The following PTPRD variants were observed in gnomAD, a reference collection of about 807,000 sequenced individuals.
PTPRD encodes receptor-type tyrosine-protein phosphatase delta.
In PTPRD, 34 loss-of-function variants were observed where a neutral mutation model predicts 214.5. The observed-to-expected ratio is 0.16, with a 90% CI of 0.12 to 0.21. PTPRD has a LOEUF of 0.21. Ranked by LOEUF, PTPRD falls within the 10% of genes least tolerant of loss-of-function variation. The pLI, the probability that PTPRD is intolerant of heterozygous loss-of-function variation, is 1.00. For synonymous variants in PTPRD, 1,128 were observed against 845.7 expected (o/e 1.33, Z -5.79); for missense variants, 2,545 against 2,398.7 (o/e 1.06, Z -1.27).
chr9:9,030,036 A>G (rs2099599564), intron 10 of PTPRD, among the ~76,000 whole-genome samples: 1 of 151,954 alleles, frequency 6.6e-6, no homozygotes, highest in Non-Finnish European at 1.5e-5. Flanking sequence ...ACAAAGATAA[A>G]TTGATCAGTC....
At chr9:9,369,304 A>G (rs952536270) in intron 9 of PTPRD, among the ~76,000 whole-genome samples, 1 of 152,018 alleles carries the variant, frequency 6.6e-6, no homozygotes, top group Admixed American at 6.6e-5. Context: ...CACCATTCTA[A>G]CTGGTGTGAG....
At chr9:8,775,804 T>C (rs1013100491) in intron 11 of PTPRD, among the ~76,000 whole-genome samples, 1 of 149,672 alleles carries the variant, frequency 6.7e-6, no homozygotes, top group African/African-American at 2.5e-5. Context: ...GACAACATAC[T>C]GAGGCCAAGT....
chr9:9,654,559 A>C (rs978866350), intron 7 of PTPRD, among the ~76,000 whole-genome samples: 5 of 152,106 alleles, frequency 3.3e-5, no homozygotes, highest in Non-Finnish European at 7.4e-5. Context: ...ACAAAACAGC[A>C]CCTGAACATT....
chr9:9,766,264 A>G (rs2098706197), intron 6 of PTPRD, among the ~76,000 whole-genome samples: 1 of 152,212 alleles, frequency 6.6e-6, no homozygotes, highest in African/African-American at 2.4e-5. Flanking sequence ...TTGAAATAAC[A>G]GGCATTGTGT....
intron 11 of PTPRD, among the ~76,000 whole-genome samples, chr9:8,879,418 T>C (rs1408572470): frequency 6.6e-6 from 1 of 152,166 alleles, no homozygotes; most frequent in Non-Finnish European, 1.5e-5. Flanking sequence ...TCCATGTATT[T>C]ACTCAAATGT....
chr9:8,767,118 T>C (rs374678089), intron 11 of PTPRD, among the ~76,000 whole-genome samples: 1 of 151,962 alleles, frequency 6.6e-6, no homozygotes, highest in Non-Finnish European at 1.5e-5. Flanking sequence ...ATTTCCCCAC[T>C]TTTTTTTCTT....
chr9:9,714,173 G>A (rs927569488), intron 7 of PTPRD, among the ~76,000 whole-genome samples: 3 of 151,168 alleles, frequency 2.0e-5, no homozygotes, highest in African/African-American at 7.3e-5. Context: ...CTGAAATGAA[G>A]TTGCACTTTT....
chr9:8,686,882 G>T (rs529569836), intron 12 of PTPRD, among the ~76,000 whole-genome samples: 9 of 152,280 alleles, frequency 5.9e-5, no homozygotes, highest in Admixed American at 5.9e-4. Context: ...ATTCTCTCAA[G>T]TAAGAGAACC....
intron 9 of PTPRD, among the ~76,000 whole-genome samples, chr9:9,275,128 T>A (rs10977632): frequency 5.6e-4 from 28 of 49,784 alleles, no homozygotes; most frequent in South Asian, 1.4e-3. Context: ...ATTATATATA[T>A]TATATATAAT....
At chr9:8,495,177 ACC>A (rs1210294363) in intron 26 of PTPRD, among the ~76,000 whole-genome samples, 1 of 152,156 alleles carries the variant, frequency 6.6e-6, no homozygotes, top group African/African-American at 2.4e-5. Context: ...TCCTGTGACT[ACC>A]CAGTGTTACT....
intron 11 of PTPRD, among the ~76,000 whole-genome samples, chr9:8,755,903 G>T (rs907996724): frequency 6.6e-6 from 1 of 152,144 alleles, no homozygotes; most frequent in African/African-American, 2.4e-5. Flanking sequence ...TAATAAATTT[G>T]CTTATCTGAA....
chr9:9,656,071 G>A (rs537853395), intron 7 of PTPRD, among the ~76,000 whole-genome samples: 148 of 152,236 alleles, frequency 9.7e-4, no homozygotes, highest in African/African-American at 3.2e-3. Context: ...AAACAATGCG[G>A]TACCACTACG....
intron 3 of PTPRD, among the ~76,000 whole-genome samples, chr9:10,329,099 T>G (rs2096702321): frequency 1.3e-5 from 2 of 151,804 alleles, no homozygotes; most frequent in African/African-American, 2.4e-5. Context: ...ATTATAGTTG[T>G]TTTTCTGTTG....
chr9:10,508,169 T>C (rs1213532270), intron 2 of PTPRD, among the ~76,000 whole-genome samples: 1 of 152,178 alleles, frequency 6.6e-6, no homozygotes, highest in Non-Finnish European at 1.5e-5. Context: ...AGAAGACGTT[T>C]ATGCAGCCAA....
At chr9:8,766,892 C>G (rs561441925) in intron 11 of PTPRD, among the ~76,000 whole-genome samples, 5 of 152,130 alleles carry the variant, frequency 3.3e-5, no homozygotes, top group Non-Finnish European at 7.4e-5. Context: ...TATCAATTAG[C>G]CGATGGTGAA....
intron 9 of PTPRD, among the ~76,000 whole-genome samples, chr9:9,291,532 C>T (rs1469953469): frequency 6.6e-6 from 1 of 151,144 alleles, no homozygotes; most frequent in Non-Finnish European, 1.5e-5. Context: ...CGGGATTTCC[C>T]AGTGTTTTTT....
intron 5 of PTPRD, among the ~76,000 whole-genome samples, chr9:9,928,317 T>C (rs2153904480): frequency 6.6e-6 from 1 of 152,282 alleles, no homozygotes; most frequent in Non-Finnish European, 1.5e-5. Flanking sequence ...CATTATTTTG[T>C]GAGTGGATTT....
At chr9:10,522,241 A>T (rs925975120) in intron 2 of PTPRD, among the ~76,000 whole-genome samples, 1 of 152,164 alleles carries the variant, frequency 6.6e-6, no homozygotes, top group African/African-American at 2.4e-5. Flanking sequence ...TATTCTTTGT[A>T]AACTAATGCC....
chr9:9,793,285 C>A (rs2761734), intron 5 of PTPRD, among the ~76,000 whole-genome samples: 26,552 of 152,008 alleles, frequency 0.17, 3,707 homozygotes, highest in African/African-American at 0.39. Context: ...ATCTATAAAA[C>A]GTGCCATTTG....
Sources: allele counts gnomAD v4.1 joint callset (sites outside exome capture counted in the v4.1 genomes callset), GRCh38; gene constraint gnomAD v4.1.1; transcripts MANE v1.5; gene names NCBI Gene and HGNC (gene_info 2026-07-23, HGNC 2026-07-21).